Variants in RAI1 observed in about 807,000 individuals in gnomAD.
RAI1 encodes the protein retinoic acid induced 1, also known as retinoic acid-induced protein 1.
A neutral mutation model predicts 123.8 loss-of-function variants in RAI1; 9 were observed. The observed-to-expected ratio is 0.07, with a 90% confidence interval of 0.04 to 0.13. RAI1 has a LOEUF of 0.13. Among genes scored for constraint, RAI1 ranks in the 10% least tolerant of loss-of-function variants. The pLI, the probability that RAI1 is intolerant of heterozygous loss-of-function variation, is 1.00. For missense variants in RAI1, 2,256 were observed against 2,545.8 expected (o/e 0.89, Z 2.45); for synonymous variants, 1,231 against 1,127.3 (o/e 1.09, Z -1.84).
rs544187269 is a variant in RAI1 at position 17,733,917 on chromosome 17, C to G, written c.-17+9758C>G. ...CCTGGGGGCTGGGAGACCCGGGGCCCCCTCACCACCCAATGCAAAGGTCTG... is the reference window on the plus strand; with the variant it reads ...CCTGGGGGCTGGGAGACCCGGGGCCGCCTCACCACCCAATGCAAAGGTCTG... On this transcript the variant is annotated intron_variant, in intron 2 of 5. Transcript: ENST00000353383. Among the ~76,000 whole-genome samples, 62 of 152,214 alleles carry G rather than the reference C, an allele frequency of 4.1e-4. 1 individual carries two copies. In the South Asian group the frequency reaches 0.013, roughly 31 times the overall value.
At chr17:17,741,415 C>T (rs553770051) in intron 2 of RAI1, among the ~76,000 whole-genome samples, 15 of 152,290 alleles carry the variant, frequency 9.8e-5, no homozygotes, top group Middle Eastern at 6.8e-3. Flanking sequence ...ATTAATAAGA[C>T]GGGGCCCTTG....
At chr17:17,722,572 T>C (rs1915918303) in intron 1 of RAI1, among the ~76,000 whole-genome samples, 1 of 152,148 alleles carries the variant, frequency 6.6e-6, no homozygotes, top group African/African-American at 2.4e-5. Flanking sequence ...CCGGTCCCGC[T>C]CTTCTTTGTC....
intron 2 of RAI1, among the ~76,000 whole-genome samples, chr17:17,733,197 G>C (rs1743984726): frequency 6.6e-6 from 1 of 152,124 alleles, no homozygotes; most frequent in South Asian, 2.1e-4. Flanking sequence ...GGCTTTCCCT[G>C]ATCCGAGGCA....
At chr17:17,688,220 T>C (rs574316509) in intron 1 of RAI1, among the ~76,000 whole-genome samples, 11 of 149,874 alleles carry the variant, frequency 7.3e-5, no homozygotes, top group South Asian at 2.1e-4. Context: ...CGCGGTGGCT[T>C]ACGTCTATAA....
chr17:17,772,148 T>C lies in RAI1; in HGVS notation c.-16-20785T>C, dbSNP rs1297691992. Among the ~76,000 whole-genome samples the C allele has an allele frequency of 3.3e-5, 5 of 152,156 alleles. No homozygotes were observed. The East Asian group carries it at 9.6e-4, about 29-fold the overall frequency. ...GTACGGGAGGTTGGGTGAGGCATCTTCTCCAGTCCAGGAGGAAGGGATTCC... is the reference window on the plus strand; with the variant it reads ...GTACGGGAGGTTGGGTGAGGCATCTCCTCCAGTCCAGGAGGAAGGGATTCC... On this transcript the variant is annotated intron_variant, in intron 2 of 5. Transcript: ENST00000353383.
intron 2 of RAI1, among the ~76,000 whole-genome samples, chr17:17,775,827 G>T (rs1304122614): frequency 6.6e-6 from 1 of 152,216 alleles, no homozygotes; most frequent in Non-Finnish European, 1.5e-5. Context: ...TCTTGGCTCA[G>T]TTATTCCGAT....
chr17:17,768,424 C>T (rs1377110030), intron 2 of RAI1, among the ~76,000 whole-genome samples: 1 of 152,182 alleles, frequency 6.6e-6, no homozygotes, highest in Non-Finnish European at 1.5e-5. Flanking sequence ...GGCAGACTGG[C>T]AGGGCACCCC....
In RAI1 at chr17:17,749,237, G is replaced by A. The variant is rs543596974; in HGVS notation, c.-17+25078G>A. On this transcript the variant is annotated intron_variant, in intron 2 of 5. Transcript: ENST00000353383. ...CCAGAGAGCCAGTGCTTCCGCTGCC[G>A]CCTAATAGCTCTCCCGGCTGGAGAC... 1.9e-4 allele frequency among the ~76,000 whole-genome samples: 29 copies of A among 152,290 alleles called. No homozygotes were observed. In the South Asian group the frequency reaches 5.2e-3, roughly 27 times the overall value.
intron 2 of RAI1, among the ~76,000 whole-genome samples, chr17:17,728,138 C>T (rs2142941728): frequency 6.6e-6 from 1 of 152,020 alleles, no homozygotes; most frequent in South Asian, 2.1e-4. Flanking sequence ...GGAGGGTGCC[C>T]CCGAGCTCGG....
intron 4 of RAI1, among the ~76,000 whole-genome samples, chr17:17,805,758 C>G (rs1010192044): frequency 1.3e-5 from 2 of 152,202 alleles, no homozygotes; most frequent in Non-Finnish European, 2.9e-5. Flanking sequence ...GCTTCACGCT[C>G]CCACTCTGAG....
rs796756685 is a variant in RAI1 at position 17,744,810 on chromosome 17, A to C, written c.-17+20651A>C. Among the ~76,000 whole-genome samples, 261 of 151,872 alleles carry C rather than the reference A, an allele frequency of 1.7e-3. 2 individuals carry two copies. Among genetic ancestry groups the C allele is most frequent in the African/African-American group, 6.1e-3 (251 of 41,398 alleles). On this transcript the variant is annotated intron_variant, in intron 2 of 5. Coordinates refer to ENST00000353383, the MANE Select transcript of RAI1 (RefSeq NM_030665.4). ...GTCTCAAAAAAAAAAAAAAAAAAAA[A>C]AAAGGAAAACTGTAGAGGCACATAA...
At chr17:17,743,974 G>T (rs2142974002) in intron 2 of RAI1, among the ~76,000 whole-genome samples, 1 of 152,366 alleles carries the variant, frequency 6.6e-6, no homozygotes, top group South Asian at 2.1e-4. Flanking sequence ...ACCAGCAGGA[G>T]CTCTGTCTGC....
intron 2 of RAI1, chr17:17,779,239 T>TC (rs1204280190): frequency 3.2e-6 from 1 of 317,074 alleles, no homozygotes; most frequent in East Asian, 8.4e-5. Context: ...TGGCTGGCTC[T>TC]CCCCGAAGGT....
rs1290472203 is a variant in RAI1 at position 17,794,372 on chromosome 17, A to G, written c.1424A>G (p.Gln475Arg). 2 of 1,613,252 alleles carry G rather than the reference A, an allele frequency of 1.2e-6. No homozygotes were observed. Among genetic ancestry groups the G allele is most frequent in the Non-Finnish European group, 1.7e-6 (2 of 1,180,036 alleles). ...VKNLVSRTPE[Q>R]HKSQHCSPEG... ...AACCTCGTGTCCAGGACCCCAGAGC[A>G]GCATAAAAGCCAGCACTGCAGCCCC... The change falls in exon 3 of 6, where the codon CAG becomes CGG. Residue 475 changes from glutamine (Q) to arginine (R), a missense_variant. Physicochemically the swap from Gln to Arg is conservative, Grantham distance 43. This residue lies in a region of RAI1 where 357 missense variants were observed against 480.2 expected (regional missense o/e 0.74). Coordinates refer to ENST00000353383, the MANE Select transcript of RAI1 (RefSeq NM_030665.4).
Position 17,797,960 on chromosome 17 carries a change from A to G in RAI1, c.5012A>G (p.His1671Arg), listed in dbSNP as rs1041313981. Residue 1671 changes from histidine to arginine, a missense_variant, in exon 3 of 6, where the codon CAC becomes CGC. This residue lies in a region of RAI1 where 410 missense variants were observed against 374.6 expected (regional missense o/e 1.09). Transcript: ENST00000353383. The part of the protein sequence containing the change: ...RPSLPLSSTM[H>R]LGPVVSKALS... The stretch of plus-strand genomic sequence containing the variant: ...TCCTTGCCCCTCTCCTCCACGATGC[A>G]CTTGGGGCCTGTGGTTTCCAAGGCC... 6.2e-7 allele frequency: 1 copy of G among 1,613,836 alleles called. No homozygotes were observed. The highest frequency in any genetic ancestry group is 1.3e-5 in the African/African-American group (1 of 74,956).
intron 1 of RAI1, among the ~76,000 whole-genome samples, chr17:17,722,455 C>T (rs1442428559): frequency 6.6e-6 from 1 of 152,204 alleles, no homozygotes; most frequent in Non-Finnish European, 1.5e-5. Context: ...GCTGGGACTG[C>T]AGCGAAGAGG....
chr17:17,792,582 G>C (rs1024127372), intron 2 of RAI1, among the ~76,000 whole-genome samples: 4 of 151,052 alleles, frequency 2.6e-5, no homozygotes, highest in Non-Finnish European at 4.4e-5. Context: ...ATGGGCGGGG[G>C]GGGGGCGGGT....
chr17:17,797,394 T>C lies in RAI1; in HGVS notation c.4446T>C (p.Ser1482=). The change falls in exon 3 of 6, where the codon AGT becomes AGC. Residue 1482 remains serine (S), a synonymous_variant. Coordinates refer to ENST00000353383, the MANE Select transcript of RAI1 (RefSeq NM_030665.4). ...ALLLTPRDRA[S]GTQGASEDNS... The stretch of plus-strand genomic sequence containing the variant: ...TCCTGACTCCCCGAGACAGGGCCAG[T>C]GGCACACAAGGGGCCAGTGAGGACA... 6.2e-7 allele frequency: 1 copy of C among 1,612,166 alleles called. No homozygotes were observed. The highest frequency in any genetic ancestry group is 8.5e-7 in the Non-Finnish European group (1 of 1,179,636).
chr17:17,781,055 G>A (rs2031560847), intron 2 of RAI1, among the ~76,000 whole-genome samples: 1 of 152,180 alleles, frequency 6.6e-6, no homozygotes. Flanking sequence ...CCCCCCACCA[G>A]AGGCTGCCCT....
Sources: allele counts gnomAD v4.1 joint callset (sites outside exome capture counted in the v4.1 genomes callset), GRCh38; gene constraint gnomAD v4.1.1; regional missense constraint gnomAD v4.1.1; transcripts MANE v1.5; gene names NCBI Gene and HGNC (gene_info 2026-07-23, HGNC 2026-07-21).